Variants in GALNTL6 observed in about 807,000 individuals in gnomAD.
GALNTL6 encodes the protein polypeptide N-acetylgalactosaminyltransferase-like 6.
A neutral mutation model predicts 73.7 loss-of-function variants in GALNTL6; 46 were observed. The ratio of observed to expected loss-of-function variants is 0.62; its 90% confidence interval spans 0.49 to 0.80. The LOEUF (loss-of-function observed/expected upper bound fraction) is 0.80. Ranked by LOEUF, GALNTL6 falls within the 30% of genes least tolerant of loss-of-function variation. The pLI is 0.00. For synonymous variants in GALNTL6, 259 were observed against 263.7 expected (o/e 0.98, Z 0.17); for missense variants, 604 against 755.0 (o/e 0.80, Z 2.34).
At chr4:172,409,867 G>A (rs1744371451) in intron 5 of GALNTL6, among the ~76,000 whole-genome samples, 2 of 152,000 alleles carry the variant, frequency 1.3e-5, no homozygotes, top group South Asian at 4.1e-4. Flanking sequence ...AAAGAAAGAA[G>A]TTCACATTTG....
At chr4:172,995,445 C>G (rs1443146177) in intron 10 of GALNTL6, among the ~76,000 whole-genome samples, 1 of 152,198 alleles carries the variant, frequency 6.6e-6, no homozygotes, top group Admixed American at 6.5e-5. Flanking sequence ...TTCAAAGCAG[C>G]ATTCCCTGCT....
rs1735473213 is a variant in GALNTL6, at chr4:171,849,946, T to G, written c.138+35228T>G. On this transcript the variant is annotated intron_variant, in intron 2 of 12. Transcript: ENST00000506823. Reference sequence around the variant, plus strand: ...ATTGAATAAATGTGCATGTTGCATATGAACTAGTGGAGAGTTAACATTTTT... The same window carrying G: ...ATTGAATAAATGTGCATGTTGCATAGGAACTAGTGGAGAGTTAACATTTTT... Among the ~76,000 whole-genome samples the G allele has an allele frequency of 2.0e-5, 3 of 152,204 alleles. No individual in the cohort carries two copies. The South Asian group carries it at 6.2e-4, about 31-fold the overall frequency.
chr4:172,331,154 CT>C (rs1467074020), intron 4 of GALNTL6, among the ~76,000 whole-genome samples: 1 of 149,674 alleles, frequency 6.7e-6, no homozygotes, highest in Non-Finnish European at 1.5e-5. Flanking sequence ...ATTTTTTGTT[CT>C]TTTAATGGTT....
At chr4:172,373,161 G>C (rs866338778) in intron 5 of GALNTL6, among the ~76,000 whole-genome samples, 5 of 152,230 alleles carry the variant, frequency 3.3e-5, no homozygotes, top group African/African-American at 1.2e-4. Context: ...ACAGGTGAGG[G>C]CTATCCCTAA....
At chr4:172,152,660 G>A (rs1734137014) in intron 2 of GALNTL6, among the ~76,000 whole-genome samples, 1 of 152,182 alleles carries the variant, frequency 6.6e-6, no homozygotes, top group Admixed American at 6.5e-5. Context: ...TGAGGCTGGA[G>A]TACAGTAGTG....
Position 171,985,875 on chromosome 4 carries a change from TA to T in GALNTL6, c.138+171162del. ...CAACATGGTGAAACCCCATCTCTAC[TA>T]AAAATACAAAAATTAGCCGGGCGTG... On this transcript the variant is annotated intron_variant, in intron 2 of 12. Transcript: ENST00000506823. 2.0e-5 allele frequency among the ~76,000 whole-genome samples: 3 copies of T among 151,662 alleles called. No individual in the cohort carries two copies. The East Asian group carries it at 5.8e-4, about 29-fold the overall frequency.
chr4:172,680,620 G>T (rs1261736711), intron 5 of GALNTL6, among the ~76,000 whole-genome samples: 2 of 152,114 alleles, frequency 1.3e-5, no homozygotes, highest in Non-Finnish European at 2.9e-5. Context: ...CTTGTAGCTA[G>T]GTGATCATGA....
chr4:171,923,409 T>C (rs961034273), intron 2 of GALNTL6, among the ~76,000 whole-genome samples: 6 of 150,050 alleles, frequency 4.0e-5, no homozygotes, highest in Admixed American at 4.0e-4. Context: ...TTTTTTTTTT[T>C]TTTTTTGAGA....
At chr4:171,851,649 A>G (rs1385090707) in intron 2 of GALNTL6, among the ~76,000 whole-genome samples, 1 of 152,166 alleles carries the variant, frequency 6.6e-6, no homozygotes, top group Non-Finnish European at 1.5e-5. Context: ...TTAACACAGA[A>G]AAAAATGTTA....
intron 2 of GALNTL6, among the ~76,000 whole-genome samples, chr4:172,016,713 T>C (rs1211574622): frequency 2.0e-5 from 3 of 151,846 alleles, no homozygotes; most frequent in Non-Finnish European, 4.4e-5. Context: ...TTTCTTAAAA[T>C]TATTTTTTAA....
intron 5 of GALNTL6, among the ~76,000 whole-genome samples, chr4:172,805,762 G>GAATCTAAACCCTCTCCAGAGA (rs1424060329): frequency 1.3e-5 from 2 of 152,040 alleles, no homozygotes; most frequent in African/African-American, 4.8e-5. Flanking sequence ...TTTTAGAAAT[G>GAATCTAAACCCTCTCCAGAGA]AATCTAAACC....
intron 3 of GALNTL6, among the ~76,000 whole-genome samples, chr4:172,249,762 T>C (rs557125321): frequency 6.6e-6 from 1 of 151,798 alleles, no homozygotes; most frequent in East Asian, 2.0e-4. Context: ...GTAGGTCCTG[T>C]GGATTCTCAG....
chr4:172,264,555 A>AATATATATATATATATATATAT (rs201920170), intron 3 of GALNTL6, among the ~76,000 whole-genome samples: 6 of 103,754 alleles, frequency 5.8e-5, no homozygotes, highest in South Asian at 7.3e-4. Context: ...ATATATGCCA[A>AATATATATATATATATATATAT]ATATATATAT....
chr4:172,050,058 A>G (rs1052831320), intron 2 of GALNTL6, among the ~76,000 whole-genome samples: 1 of 151,704 alleles, frequency 6.6e-6, no homozygotes, highest in Non-Finnish European at 1.5e-5. Flanking sequence ...AAATATAGGT[A>G]TTTTTCCCAC....
intron 2 of GALNTL6, among the ~76,000 whole-genome samples, chr4:171,942,783 G>A (rs751802215): frequency 5.3e-5 from 8 of 152,286 alleles, no homozygotes; most frequent in Non-Finnish European, 1.0e-4. Context: ...GCTCAATTAC[G>A]AATGGGTCAG....
At chr4:171,847,750 A>AT (rs1735413161) in intron 2 of GALNTL6, among the ~76,000 whole-genome samples, 1 of 152,154 alleles carries the variant, frequency 6.6e-6, no homozygotes, top group Non-Finnish European at 1.5e-5. Flanking sequence ...ACGTTTTATC[A>AT]TGAGATTGCA....
At chr4:172,379,701 C>T (rs1396093362) in intron 5 of GALNTL6, among the ~76,000 whole-genome samples, 1 of 150,620 alleles carries the variant, frequency 6.6e-6, no homozygotes, top group Non-Finnish European at 1.5e-5. Flanking sequence ...AACACCCACG[C>T]CCCTGGAGCT....
chr4:172,118,825 T>C (rs1460824972), intron 2 of GALNTL6, among the ~76,000 whole-genome samples: 1 of 151,032 alleles, frequency 6.6e-6, no homozygotes, highest in Non-Finnish European at 1.5e-5. Flanking sequence ...TAATAAGCAG[T>C]GATTTTTTTT....
At chr4:172,718,478 T>A (rs914467125) in intron 5 of GALNTL6, among the ~76,000 whole-genome samples, 5 of 151,070 alleles carry the variant, frequency 3.3e-5, no homozygotes, top group African/African-American at 1.2e-4. Context: ...AAAAAAAAAT[T>A]AAAAAACATA....
Sources: allele counts gnomAD v4.1 joint callset (sites outside exome capture counted in the v4.1 genomes callset), GRCh38; gene constraint gnomAD v4.1.1; transcripts MANE v1.5; gene names NCBI Gene and HGNC (gene_info 2026-07-23, HGNC 2026-07-21).